The following WEE2 variants were observed in gnomAD, a reference collection of about 807,000 sequenced individuals.
The protein encoded by WEE2 is WEE2 oocyte meiosis inhibiting kinase.
In WEE2, 50 loss-of-function variants were observed where a neutral mutation model predicts 60.1. The ratio of observed to expected loss-of-function variants is 0.83; its 90% CI spans 0.66 to 1.05. The LOEUF (loss-of-function observed/expected upper bound fraction) is 1.05. WEE2 is among the 50% of genes least tolerant of loss of function. WEE2 has a pLI of 0.00. For missense variants in WEE2, 631 were observed against 684.3 expected (o/e 0.92, Z 0.87); for synonymous variants, 240 against 241.0 (o/e 1.00, Z 0.04).
chr7:141,714,072 A>G, intron 1 of WEE2, 137 bp from the exon 2 acceptor site: 1 of 651,292 alleles, frequency 1.5e-6, no homozygotes, highest in East Asian at 2.7e-5. Context: ...TTACAATGCA[A>G]CCAGTTCACA....
At chr7:141,727,280 T>G in intron 9 of WEE2, 24 bp from the exon 10 acceptor site, 1 of 1,588,970 alleles carries the variant, frequency 6.3e-7, no homozygotes. Context: ...TTCTGTTTCT[T>G]TCCTCTTGGT....
chr7:141,711,252 T>C lies in WEE2; in HGVS notation c.342+2152T>C, dbSNP rs567340182. Among the ~76,000 whole-genome samples, 163 of 152,300 alleles carry C rather than the reference T, an allele frequency of 1.1e-3. 2 individuals carry two copies. The highest frequency in any genetic ancestry group is 3.8e-3 in the African/African-American group (159 of 41,552). On this transcript the variant is annotated intron_variant, in intron 1 of 11. Coordinates refer to ENST00000397541, the MANE Select transcript of WEE2 (RefSeq NM_001105558.1). The surrounding 1 kb of genome is among the most constrained non-coding windows in gnomAD (Gnocchi z 4.2). ...ATATCTACAGCATTTAGGAAGTAGT[T>C]GAGGCCATGGGTGGAGATAAGGTCA... is the stretch of plus-strand genomic sequence containing the variant.
intron 3 of WEE2, 38 bp from the exon 4 acceptor site, chr7:141,719,034 A>G (rs1299166773): frequency 6.3e-7 from 1 of 1,593,518 alleles, no homozygotes; most frequent in Non-Finnish European, 8.6e-7. Flanking sequence ...ACAACATGGT[A>G]GAATTACTCT....
Position 141,709,041 on chromosome 7 carries a change from C to T in WEE2, c.283C>T (p.Pro95Ser). ...VSHPLKCPETPAQPDSRSKLL... is the reference protein window; with the variant it reads ...VSHPLKCPETSAQPDSRSKLL... ...ACACCCTCTCAAATGTCCTGAGACA[C>T]CAGCCCAACCAGACAGCAGGAGCAA... The change falls in exon 1 of 12, where the codon CCA becomes TCA. Residue 95 changes from proline to serine, a missense_variant. Physicochemically the swap from Pro to Ser is moderately conservative, Grantham distance 74. Coordinates refer to ENST00000397541, the MANE Select transcript of WEE2 (RefSeq NM_001105558.1). 4 of 1,614,116 alleles carry T rather than the reference C, an allele frequency of 2.5e-6. No homozygotes were observed. The highest frequency in any genetic ancestry group is 3.4e-6 in the Non-Finnish European group (4 of 1,180,018).
rs555432416 is a variant in WEE2, at chr7:141,710,300, G to A, written c.342+1200G>A. Among the ~76,000 whole-genome samples, 4 of 152,306 alleles carry A rather than the reference G, an allele frequency of 2.6e-5. No homozygotes were observed. The South Asian group carries it at 8.3e-4, about 32-fold the overall frequency. The stretch of plus-strand genomic sequence containing the variant: ...GACAGATTCTCAGTGTGGTGATCAG[G>A]AAAGAAAGAAAGGTATAGGAAGGGC... On this transcript the variant is annotated intron_variant, in intron 1 of 11. Transcript: ENST00000397541.
intron 5 of WEE2, 145 bp downstream of exon 5, chr7:141,721,201 G>C: frequency 2.2e-6 from 2 of 927,042 alleles, no homozygotes; most frequent in Non-Finnish European, 3.2e-6. Flanking sequence ...AGTCTTGCTT[G>C]GAAGCACAGA....
intron 1 of WEE2, among the ~76,000 whole-genome samples, chr7:141,713,430 G>C (rs1045669929): frequency 6.6e-6 from 1 of 152,074 alleles, no homozygotes; most frequent in Non-Finnish European, 1.5e-5. Flanking sequence ...TCGCCCTTTG[G>C]TTTCATTCTG....
At chr7:141,728,624 C>A (rs1292878574) in intron 10 of WEE2, among the ~76,000 whole-genome samples, 3 of 152,142 alleles carry the variant, frequency 2.0e-5, no homozygotes, top group Admixed American at 2.0e-4. Flanking sequence ...CAGTGATGGG[C>A]ACCTATCATA....
At chr7:141,717,621 ATGTGTATG>A (rs1479648747) in intron 3 of WEE2, among the ~76,000 whole-genome samples, 1 of 152,216 alleles carries the variant, frequency 6.6e-6, no homozygotes, top group Admixed American at 6.5e-5. Flanking sequence ...ATTTGTGTAT[ATGTGTATG>A]TACATATGTG....
chr7:141,727,378 C>G lies in WEE2; in HGVS notation c.1467C>G (p.Ser489=). The G allele has an allele frequency of 1.9e-6, 3 of 1,614,014 alleles. No individual in the cohort carries two copies. Among genetic ancestry groups the G allele is most frequent in the Non-Finnish European group, 2.5e-6 (3 of 1,179,954 alleles). The change falls in exon 10 of 12, where the codon TCC becomes TCG. Residue 489 remains serine (S), a synonymous_variant. Coordinates refer to ENST00000397541, the MANE Select transcript of WEE2 (RefSeq NM_001105558.1). The part of the protein sequence containing the change: ...ALARNTVLRP[S]LGKTEELQQQ... Reference sequence around the variant, plus strand: ...CCAGAAATACAGTTCTCCGGCCTTCCCTGGGAAAAACAGAAGAGCTCCAAC... The same window carrying G: ...CCAGAAATACAGTTCTCCGGCCTTCGCTGGGAAAAACAGAAGAGCTCCAAC...
intron 7 of WEE2, 28 bp downstream of exon 7, chr7:141,724,076 T>C (rs747239391): frequency 2.5e-5 from 40 of 1,584,554 alleles, no homozygotes; most frequent in Non-Finnish European, 3.5e-5. Context: ...CCTTACCAGT[T>C]ACCATTATCC....
intron 2 of WEE2, among the ~76,000 whole-genome samples, chr7:141,715,049 T>C (rs1428308610): frequency 6.6e-6 from 1 of 152,238 alleles, no homozygotes; most frequent in Non-Finnish European, 1.5e-5. Context: ...TATGTTCATA[T>C]GTACTCAGCG....
Position 141,731,152 on chromosome 7 carries a change from A to G in WEE2, c.*832A>G, listed in dbSNP as rs1799134133. On this transcript the variant is annotated 3_prime_UTR_variant, in exon 12 of 12. Transcript: ENST00000397541. Reference sequence around the variant, plus strand: ...GTATTTGATAAGCTCTGTTTGTGTCATCTTAGTGAATGCAACCTGTTAATG... The same window carrying G: ...GTATTTGATAAGCTCTGTTTGTGTCGTCTTAGTGAATGCAACCTGTTAATG... 1 of 152,158 alleles carries G rather than the reference A, an allele frequency of 6.6e-6. No individual in the cohort carries two copies. Among genetic ancestry groups the G allele is most frequent in the Non-Finnish European group, 1.5e-5 (1 of 68,040 alleles). 9.4% of individuals were successfully genotyped at this position (152,158 alleles called of 1,614,324 possible).
intron 1 of WEE2, among the ~76,000 whole-genome samples, chr7:141,710,071 A>G (rs1278457999): frequency 6.6e-6 from 1 of 152,186 alleles, no homozygotes; most frequent in Non-Finnish European, 1.5e-5. Flanking sequence ...TGAATTGTAG[A>G]AAAACTAATA....
In WEE2 at chr7:141,714,224, T is replaced by C. The variant is rs760328669; in HGVS notation, c.358T>C (p.Leu120=). 1.9e-6 allele frequency: 3 copies of C among 1,611,910 alleles called. No homozygotes were observed. The highest frequency in any genetic ancestry group is 1.7e-5 in the Admixed American group (1 of 59,590). ...CCTCATTCAGACCATGCTGAGCCGG[T>C]TGGTGATTTCTCCAACAGGGAAGCT... ...PSTPKTMLSR[L]VISPTGKLPS... The change falls in exon 2 of 12, where the codon TTG becomes CTG. Residue 120 remains leucine (L), a synonymous_variant. Coordinates refer to ENST00000397541, the MANE Select transcript of WEE2 (RefSeq NM_001105558.1).
intron 9 of WEE2, 136 bp from the exon 10 acceptor site, chr7:141,727,168 T>C: frequency 1.1e-6 from 1 of 915,688 alleles, no homozygotes; most frequent in Non-Finnish European, 1.7e-6. Context: ...CAGTTTTCAT[T>C]TCTTTCCTCT....
intron 1 of WEE2, among the ~76,000 whole-genome samples, chr7:141,710,153 A>C (rs1798688361): frequency 1.3e-5 from 2 of 152,206 alleles, no homozygotes; most frequent in African/African-American, 4.8e-5. Context: ...TTATTCTTTG[A>C]GAATTCCCTA....
rs1370995452 is a variant in WEE2 at position 141,708,666 on chromosome 7, GGTTAA to G, written c.-88_-84del. The G allele has an allele frequency of 1.1e-5, 13 of 1,149,044 alleles. No individual in the cohort carries two copies. In the South Asian group the frequency reaches 1.3e-4, roughly 12 times the overall value. 71.2% of individuals were successfully genotyped at this position (1,149,044 alleles called of 1,614,324 possible). ...TCAGGCTACCGTCGCGAAACCTGCA[GGTTAA>G]GTTATTTTCTCCTCCCTGCTTCTGT... On this transcript the variant is annotated 5_prime_UTR_variant, in exon 1 of 12. Transcript: ENST00000397541.
At chr7:141,729,396 A>G in intron 10 of WEE2, 135 bp from the exon 11 acceptor site, 1 of 1,241,574 alleles carries the variant, frequency 8.1e-7, no homozygotes, top group South Asian at 1.3e-5. Flanking sequence ...TGAATTTTCT[A>G]TTCTGTACAT....
Sources: allele counts gnomAD v4.1 joint callset (sites outside exome capture counted in the v4.1 genomes callset), GRCh38; gene constraint gnomAD v4.1.1; non-coding constraint Gnocchi (gnomAD v3.1); transcripts MANE v1.5; gene names NCBI Gene and HGNC (gene_info 2026-07-23, HGNC 2026-07-21).